ZFP2: variants seen among roughly 807,000 people sequenced by gnomAD.
ZFP2 encodes the protein zinc finger protein ZFP2.
A neutral mutation model predicts 36.1 loss-of-function variants in ZFP2; 33 were observed. The observed-to-expected ratio is 0.92, with a 90% CI of 0.69 to 1.22. The LOEUF (loss-of-function observed/expected upper bound fraction) is 1.22. ZFP2 is among the 50% of genes most tolerant of loss of function. ZFP2 has a pLI of 0.00. For missense variants in ZFP2, 522 were observed against 551.4 expected, an observed-to-expected ratio of 0.95 and a Z score of 0.53; for synonymous variants, 170 against 178.0, an observed-to-expected ratio of 0.96 and a Z score of 0.36.
At chr5:178,930,164 C>T (rs1488251978) in intron 4 of ZFP2, among the ~76,000 whole-genome samples, 2 of 151,820 alleles carry the variant, frequency 1.3e-5, no homozygotes, top group African/African-American at 2.4e-5. Flanking sequence ...CATAAGGCCC[C>T]ACCTCCAACA....
intron 1 of ZFP2, among the ~76,000 whole-genome samples, chr5:178,900,842 A>C (rs1368616539): frequency 1.3e-5 from 2 of 150,460 alleles, no homozygotes; most frequent in Non-Finnish European, 2.9e-5. Flanking sequence ...TGCCACTTCT[A>C]CTCCACGTCC....
At chr5:178,914,659 G>A (rs79422601) in intron 3 of ZFP2, among the ~76,000 whole-genome samples, 2 of 151,988 alleles carry the variant, frequency 1.3e-5, no homozygotes, top group African/African-American at 2.4e-5. Context: ...AAGAAGGGAG[G>A]GGGGGACAGA....
intron 4 of ZFP2, among the ~76,000 whole-genome samples, chr5:178,926,834 A>G (rs1758684871): frequency 6.6e-6 from 1 of 152,010 alleles, no homozygotes; most frequent in South Asian, 2.1e-4. Context: ...TGGTATTTTC[A>G]TACTCAGTTT....
At chr5:178,901,509 C>T (rs969254090) in intron 1 of ZFP2, among the ~76,000 whole-genome samples, 2 of 152,202 alleles carry the variant, frequency 1.3e-5, no homozygotes, top group African/African-American at 4.8e-5. Context: ...TTTGCTGGCA[C>T]TCTTTGGTGT....
intron 1 of ZFP2, among the ~76,000 whole-genome samples, chr5:178,906,385 C>T (rs1425047641): frequency 5.9e-5 from 9 of 152,144 alleles, no homozygotes; most frequent in Admixed American, 5.2e-4. Context: ...TATATTCTCC[C>T]TTATCTGATA....
chr5:178,924,350 A>G (rs564442311), intron 4 of ZFP2, among the ~76,000 whole-genome samples: 8 of 133,362 alleles, frequency 6.0e-5, no homozygotes, highest in African/African-American at 2.1e-4. Context: ...TCCAGCCTGC[A>G]TGACAGAGAG....
intron 4 of ZFP2, chr5:178,922,570 A>G: frequency 2.0e-6 from 3 of 1,512,028 alleles, no homozygotes; most frequent in Non-Finnish European, 2.8e-6. Context: ...CATGGCTTGG[A>G]GCACGTCCTA....
chr5:178,924,805 G>A (rs1221689708), intron 4 of ZFP2, among the ~76,000 whole-genome samples: 2 of 148,504 alleles, frequency 1.3e-5, no homozygotes, highest in African/African-American at 2.4e-5. Flanking sequence ...CCGAGATTGC[G>A]CCATTGCACT....
At chr5:178,908,256 G>C (rs57153194) in intron 1 of ZFP2, among the ~76,000 whole-genome samples, 4 of 151,956 alleles carry the variant, frequency 2.6e-5, no homozygotes, top group African/African-American at 9.7e-5. Context: ...AGACAATCCT[G>C]GCTAACATGG....
At chr5:178,899,309 T>C (rs1055320961) in intron 1 of ZFP2, among the ~76,000 whole-genome samples, 14 of 152,364 alleles carry the variant, frequency 9.2e-5, no homozygotes, top group Admixed American at 3.9e-4. Context: ...GTCACCTGGC[T>C]GATTTCATTT....
intron 1 of ZFP2, chr5:178,910,175 A>G (rs1456885274): frequency 2.0e-6 from 3 of 1,519,828 alleles, no homozygotes; most frequent in African/African-American, 2.7e-5. Flanking sequence ...CTTTGCAGCC[A>G]TCAAAAATCT....
intron 3 of ZFP2, 57 bp from the exon 4 acceptor site, chr5:178,916,508 T>G: frequency 8.2e-6 from 8 of 979,236 alleles, no homozygotes; most frequent in Non-Finnish European, 9.7e-6. Flanking sequence ...GAAAGTTGAA[T>G]GGAAAGGAGC....
chr5:178,914,176 T>A (rs369458298), intron 3 of ZFP2, among the ~76,000 whole-genome samples: 72 of 152,148 alleles, frequency 4.7e-4, no homozygotes, highest in African/African-American at 1.3e-3. Context: ...CTTTGTATAT[T>A]TTTTTTAAAT....
At chr5:178,901,535 TG>T (rs1452534591) in intron 1 of ZFP2, among the ~76,000 whole-genome samples, 1 of 152,196 alleles carries the variant, frequency 6.6e-6, no homozygotes, top group Non-Finnish European at 1.5e-5. Flanking sequence ...GGTTCATGGC[TG>T]CATCGCTCTA....
rs2113076517 is a variant in ZFP2, at chr5:178,910,076, G to A, written c.-449-2508G>A. On this transcript the variant is annotated intron_variant, in intron 1 of 4. Transcript: ENST00000361362. ...GGCCAAACTGAAATGTAAACTGGTA[G>A]AGATCCTTGAATTTATTCTCCTGTT... 1.9e-5 allele frequency: 28 copies of A among 1,475,240 alleles called. No individual in the cohort carries two copies. In the South Asian group the frequency reaches 3.2e-4, roughly 17 times the overall value. The allele number at this position is 1,475,240 out of a possible 1,614,324, so 91.4% of individuals were successfully genotyped here. A position where few individuals can be genotyped will look rare whatever the true frequency, so the allele number is the denominator to read the frequency against.
intron 1 of ZFP2, among the ~76,000 whole-genome samples, chr5:178,899,535 C>G (rs79380525): frequency 6.6e-6 from 1 of 151,686 alleles, no homozygotes; most frequent in Non-Finnish European, 1.5e-5. Flanking sequence ...TAGAAGAAAT[C>G]GGATAAAAAT....
rs12186584 is a variant in ZFP2, at chr5:178,933,055, T to C, written c.*356T>C. 14,281 of 190,840 alleles carry C rather than the reference T, an allele frequency of 0.075. 687 individuals are homozygous for C. Among genetic ancestry groups the C allele is most frequent in the Non-Finnish European group, 0.097 (8,045 of 82,804 alleles). The allele number at this position is 190,840 out of a possible 1,614,324, so 11.8% of individuals were successfully genotyped here. A position where few individuals can be genotyped will look rare whatever the true frequency, so the allele number is the denominator to read the frequency against. On this transcript the variant is annotated 3_prime_UTR_variant, in exon 5 of 5. Coordinates refer to ENST00000361362, the MANE Select transcript of ZFP2 (RefSeq NM_030613.4). The stretch of plus-strand genomic sequence containing the variant: ...AACTGGACAGCCCAGAGACCTGGTA[T>C]GTAGTCCTAATCTGCCACTGCCTTG...
chr5:178,932,997 C>A lies in ZFP2; in HGVS notation c.*298C>A. 4.0e-6 allele frequency: 1 copy of A among 252,036 alleles called. No homozygotes were observed. The highest frequency in any genetic ancestry group is 8.1e-6 in the Non-Finnish European group (1 of 123,392). The allele number at this position is 252,036 out of a possible 1,614,324, so 15.6% of individuals were successfully genotyped here. On this transcript the variant is annotated 3_prime_UTR_variant, in exon 5 of 5. Transcript: ENST00000361362. Reference sequence around the variant, plus strand: ...CACATTCTCCTTTGGCTATCAGAGACTTTACACTGGAGAGAAAAATGTGAG... The same window carrying A: ...CACATTCTCCTTTGGCTATCAGAGAATTTACACTGGAGAGAAAAATGTGAG...
At position 178,898,703 on chromosome 5, in the gene ZFP2, C is replaced by A. The variant is rs922972647; in HGVS notation, c.-450+2729C>A. The stretch of plus-strand genomic sequence containing the variant: ...GAGCTCATTTTTCCCTCTCAAACCT[C>A]CCCCTTCCTCCTGTACTGCATGTGG... On this transcript the variant is annotated intron_variant, in intron 1 of 4. Coordinates refer to ENST00000361362, the MANE Select transcript of ZFP2 (RefSeq NM_030613.4). Among the ~76,000 whole-genome samples, 5 of 152,168 alleles carry A rather than the reference C, an allele frequency of 3.3e-5. No homozygotes were observed. In the South Asian group the frequency reaches 8.3e-4, roughly 25 times the overall value.
Sources: allele counts gnomAD v4.1 joint callset (sites outside exome capture counted in the v4.1 genomes callset), GRCh38; gene constraint gnomAD v4.1.1; transcripts MANE v1.5; gene names NCBI Gene and HGNC (gene_info 2026-07-23, HGNC 2026-07-21).